Variants in IQSEC1 observed in about 807,000 individuals in gnomAD.
IQSEC1 encodes the protein IQ motif and SEC7 domain-containing protein 1.
In IQSEC1, 31 loss-of-function variants were observed where a neutral mutation model predicts 91.0. That is an observed-to-expected ratio of 0.34 (90% CI 0.26 to 0.46). The LOEUF (loss-of-function observed/expected upper bound fraction) is 0.46, where lower values mean the gene tolerates loss of function less well. IQSEC1 is among the 20% of genes least tolerant of loss of function. The pLI, the probability that IQSEC1 is intolerant of heterozygous loss-of-function variation, is 1.00. For synonymous variants in IQSEC1, 699 were observed against 662.6 expected (o/e 1.05, Z -0.84); for missense variants, 1,388 against 1,575.6 (o/e 0.88, Z 2.02).
intron 1 of IQSEC1, among the ~76,000 whole-genome samples, chr3:13,165,173 C>G (rs1479478506): frequency 1.3e-5 from 2 of 152,162 alleles, no homozygotes; most frequent in African/African-American, 4.8e-5. Flanking sequence ...GCTCCAGGTG[C>G]CTGAGTGCAC....
intron 2 of IQSEC1, among the ~76,000 whole-genome samples, chr3:13,143,074 C>A (rs1230337697): frequency 6.6e-6 from 1 of 152,262 alleles, no homozygotes; most frequent in African/African-American, 2.4e-5. Flanking sequence ...CTTTCTTCAT[C>A]TGGACTCATC....
In IQSEC1 at chr3:12,900,681, G is replaced by C; in HGVS notation, c.*302C>G. 7.5e-7 allele frequency: 1 copy of C among 1,326,956 alleles called. No homozygotes were observed. Among genetic ancestry groups the C allele is most frequent in the Non-Finnish European group, 9.6e-7 (1 of 1,036,380 alleles). 82.2% of individuals were successfully genotyped at this position (1,326,956 alleles called of 1,614,324 possible). ...GCACAGGGAGCTGAGAGCTGGAGTG[G>C]GGGAGGCAGTTCAACACTACTTGGC... On this transcript the variant is annotated 3_prime_UTR_variant, in exon 14 of 14. Coordinates refer to ENST00000613206, the MANE Select transcript of IQSEC1 (RefSeq NM_001134382.3).
Position 13,093,813 on chromosome 3 carries a change from G to C in IQSEC1, c.303-46291C>G, listed in dbSNP as rs553019486. 2.0e-5 allele frequency among the ~76,000 whole-genome samples: 3 copies of C among 152,238 alleles called. No homozygotes were observed. The East Asian group carries it at 5.8e-4, about 29-fold the overall frequency. Reference sequence around the variant, plus strand: ...ACTGTTGGTCCACGTGACTCCGCTAGGTCTCCCCCTGTCCGTTCTCAGCAC... The same window carrying C: ...ACTGTTGGTCCACGTGACTCCGCTACGTCTCCCCCTGTCCGTTCTCAGCAC... On this transcript the variant is annotated intron_variant, in intron 2 of 15. Coordinates refer to the IQSEC1 transcript ENST00000648114.
chr3:13,247,364 C>T (rs755656644), intron 1 of IQSEC1, among the ~76,000 whole-genome samples: 8 of 152,198 alleles, frequency 5.3e-5, no homozygotes, highest in Non-Finnish European at 1.0e-4. Context: ...TCCTCCATTG[C>T]CCCCAGGCTC....
At chr3:13,121,122 C>T (rs938866530) in intron 2 of IQSEC1, among the ~76,000 whole-genome samples, 2 of 152,236 alleles carry the variant, frequency 1.3e-5, no homozygotes, top group African/African-American at 4.8e-5. Flanking sequence ...CTGCCCTATG[C>T]TGTACCTGCC....
At chr3:13,070,489 A>G (rs1001695410) in intron 1 of IQSEC1, among the ~76,000 whole-genome samples, 1 of 152,162 alleles carries the variant, frequency 6.6e-6, no homozygotes, top group Non-Finnish European at 1.5e-5. Context: ...CAGGGTAACA[A>G]TAAGGTCTGA....
chr3:12,954,304 A>G (rs2125439052), intron 1 of IQSEC1, among the ~76,000 whole-genome samples: 1 of 152,288 alleles, frequency 6.6e-6, no homozygotes, highest in East Asian at 1.9e-4. Flanking sequence ...GCTGGGGATG[A>G]GAGGGCAGCC....
At chr3:12,932,499 A>G (rs1164352979) in intron 3 of IQSEC1, among the ~76,000 whole-genome samples, 1 of 152,196 alleles carries the variant, frequency 6.6e-6, no homozygotes. Flanking sequence ...CCTGGGAACC[A>G]TGCCTGGCGC....
At chr3:12,934,686 G>A (rs1212903421) in intron 3 of IQSEC1, among the ~76,000 whole-genome samples, 1 of 152,158 alleles carries the variant, frequency 6.6e-6, no homozygotes, top group Non-Finnish European at 1.5e-5. Context: ...CCCAGGCCAA[G>A]TGCTCAGCCC....
In IQSEC1 at chr3:12,924,670, G is replaced by A; in HGVS notation, c.1641C>T (p.His547=). Reference sequence around the variant, plus strand: ...TGAGGCCCTTGCGCTGCAGCAGGAAGTGGGCCACCCCGACGGGCGTGTCGG... The same window carrying A: ...TGAGGCCCTTGCGCTGCAGCAGGAAATGGGCCACCCCGACGGGCGTGTCGG... ...FVPDTPVGVA[H]FLLQRKGLSR... Residue 547 remains histidine, a synonymous_variant, in exon 4 of 14, where the codon CAC becomes CAT. Transcript: ENST00000613206. The surrounding 1 kb of genome is among the most constrained non-coding windows in gnomAD (Gnocchi z 6.3). 3 of 1,610,872 alleles carry A rather than the reference G, an allele frequency of 1.9e-6. No individual in the cohort carries two copies. Among genetic ancestry groups the A allele is most frequent in the South Asian group, 2.2e-5 (2 of 90,484 alleles).
intron 1 of IQSEC1, among the ~76,000 whole-genome samples, chr3:12,964,973 G>A (rs1700470197): frequency 6.6e-6 from 1 of 152,232 alleles, no homozygotes; most frequent in African/African-American, 2.4e-5. Context: ...AACTGAAGCT[G>A]TGTAAATATT....
intron 2 of IQSEC1, among the ~76,000 whole-genome samples, chr3:13,159,540 G>A (rs1169302649): frequency 2.0e-5 from 3 of 152,154 alleles, no homozygotes; most frequent in Non-Finnish European, 2.9e-5. Flanking sequence ...ACTGACTTGC[G>A]AAGGCTTTGG....
chr3:13,157,435 A>G lies in IQSEC1; in HGVS notation c.302+6669T>C, dbSNP rs1287810054. ...AAGGCCCAGTAGTGCCTCTGAAAGC[A>G]GGCTGAGGGTATCCAGAGGCCATTC... On this transcript the variant is annotated intron_variant, in intron 2 of 15. Transcript: ENST00000648114. 2.0e-5 allele frequency among the ~76,000 whole-genome samples: 3 copies of G among 152,194 alleles called. 1 individual carries two copies. Among genetic ancestry groups the G allele is most frequent in the South Asian group, 4.1e-4 (2 of 4,822 alleles).
intron 1 of IQSEC1, among the ~76,000 whole-genome samples, chr3:13,006,247 GA>G (rs535807560): frequency 5.4e-4 from 82 of 152,360 alleles, no homozygotes; most frequent in African/African-American, 1.9e-3. Flanking sequence ...GAAGGTGGCA[GA>G]GGTGATGGCT....
At chr3:13,021,170 C>A (rs1428307157) in intron 1 of IQSEC1, among the ~76,000 whole-genome samples, 1 of 152,220 alleles carries the variant, frequency 6.6e-6, no homozygotes, top group East Asian at 1.9e-4. Context: ...TGTAGTTCCC[C>A]TTTACAGATG....
intron 12 of IQSEC1, among the ~76,000 whole-genome samples, chr3:12,907,996 C>A (rs924931394): frequency 1.3e-5 from 2 of 152,152 alleles, no homozygotes; most frequent in African/African-American, 4.8e-5. Flanking sequence ...GGGACGCGGC[C>A]GCACAGAGAG....
At chr3:13,191,512 T>G (rs1694032552) in intron 1 of IQSEC1, among the ~76,000 whole-genome samples, 1 of 128,174 alleles carries the variant, frequency 7.8e-6, no homozygotes, top group African/African-American at 3.1e-5. Flanking sequence ...TTTTTTTGTA[T>G]TTTTAGTAGA....
At chr3:12,903,532 TC>T (rs764802951) in intron 12 of IQSEC1, among the ~76,000 whole-genome samples, 10 of 152,238 alleles carry the variant, frequency 6.6e-5, no homozygotes, top group Admixed American at 3.3e-4. Flanking sequence ...CCAGGAGGTC[TC>T]TGCCAGCATC....
chr3:13,125,343 A>G (rs542102117), intron 2 of IQSEC1, among the ~76,000 whole-genome samples: 9 of 151,752 alleles, frequency 5.9e-5, no homozygotes, highest in African/African-American at 1.9e-4. Flanking sequence ...CCCCACCTCC[A>G]CCAGGTGAGG....
Sources: allele counts gnomAD v4.1 joint callset (sites outside exome capture counted in the v4.1 genomes callset), GRCh38; gene constraint gnomAD v4.1.1; non-coding constraint Gnocchi (gnomAD v3.1); transcripts MANE v1.5; gene names NCBI Gene and HGNC (gene_info 2026-07-23, HGNC 2026-07-21).